The following MAPKAPK5 variants were observed in gnomAD, a reference collection of about 807,000 sequenced individuals.
The protein encoded by MAPKAPK5 is MAPK activated protein kinase 5.
A neutral mutation model predicts 65.1 loss-of-function variants in MAPKAPK5; 30 were observed. The observed-to-expected ratio is 0.46, with a 90% CI of 0.34 to 0.63. The LOEUF (loss-of-function observed/expected upper bound fraction) is 0.63, where lower values mean the gene tolerates loss of function less well. Ranked by LOEUF, MAPKAPK5 falls within the 20% of genes least tolerant of loss-of-function variation. The pLI is 0.01. For missense variants in MAPKAPK5, 433 were observed against 581.4 expected, an observed-to-expected ratio of 0.74 and a Z score of 2.63; for synonymous variants, 179 against 204.6, an observed-to-expected ratio of 0.87 and a Z score of 1.07.
intron 13 of MAPKAPK5, among the ~76,000 whole-genome samples, chr12:111,891,268 ATTT>A (rs762982308): frequency 7.5e-6 from 1 of 133,234 alleles, no homozygotes; most frequent in African/African-American, 2.7e-5. Flanking sequence ...TAATTTTTGT[ATTT>A]TTTTTTTTTT....
chr12:111,882,752 C>T (rs1206496910), intron 8 of MAPKAPK5: 3 of 960,500 alleles, frequency 3.1e-6, no homozygotes, highest in Non-Finnish European at 3.7e-6. Flanking sequence ...CCTTCATGGT[C>T]AAAGGAATGC....
chr12:111,852,802 C>A (rs183218266), intron 1 of MAPKAPK5, among the ~76,000 whole-genome samples: 1 of 151,928 alleles, frequency 6.6e-6, no homozygotes, highest in Non-Finnish European at 1.5e-5. Context: ...GAGACAGAGT[C>A]TCACTCTGTC....
rs1279435713 is a variant in MAPKAPK5, at chr12:111,894,106, G to A, written c.*1045G>A. The A allele has an allele frequency of 1.3e-5, 2 of 150,894 alleles. No individual in the cohort carries two copies. The highest frequency in any genetic ancestry group is 2.5e-5 in the African/African-American group (1 of 40,332). The allele number at this position is 150,894 out of a possible 1,614,324, so 9.3% of individuals were successfully genotyped here. A position where few individuals can be genotyped will look rare whatever the true frequency, so the allele number is the denominator to read the frequency against. On this transcript the variant is annotated 3_prime_UTR_variant, in exon 14 of 14. Coordinates refer to ENST00000550735, the MANE Select transcript of MAPKAPK5 (RefSeq NM_003668.4). ...CACCCAGGGTGGAGTGCAGTGGCAC[G>A]ATCTCGGCTCACTGCAACCTCTGTC...
At chr12:111,877,007 GTTTTAA>G (rs1593166821) in intron 7 of MAPKAPK5, among the ~76,000 whole-genome samples, 1 of 151,040 alleles carries the variant, frequency 6.6e-6, no homozygotes, top group Non-Finnish European at 1.5e-5. Flanking sequence ...TTTCATTGTG[GTTTTAA>G]TTTTAATTTT....
chr12:111,853,497 T>G (rs1474021332), intron 1 of MAPKAPK5, among the ~76,000 whole-genome samples: 1 of 152,202 alleles, frequency 6.6e-6, no homozygotes, highest in African/African-American at 2.4e-5. Context: ...ATTTGCATAC[T>G]AGTTCTTATA....
intron 10 of MAPKAPK5, among the ~76,000 whole-genome samples, chr12:111,887,367 AG>A (rs1593182519): frequency 6.6e-6 from 1 of 152,166 alleles, no homozygotes; most frequent in African/African-American, 2.4e-5. Flanking sequence ...AGGTTACTCA[AG>A]ATCTTAAAAA....
chr12:111,879,387 G>GC (rs2070110015), intron 7 of MAPKAPK5: 1 of 125,110 alleles, frequency 8.0e-6, no homozygotes, highest in Non-Finnish European at 1.7e-5. Flanking sequence ...TTTAGAGTAG[G>GC]TTTTTTTTTT....
At chr12:111,857,440 A>G (rs2069281074) in intron 1 of MAPKAPK5, among the ~76,000 whole-genome samples, 1 of 151,952 alleles carries the variant, frequency 6.6e-6, no homozygotes, top group Non-Finnish European at 1.5e-5. Flanking sequence ...TTTAGTAGAG[A>G]CGAGGTTTCG....
At chr12:111,859,987 T>C (rs796651315) in intron 1 of MAPKAPK5, among the ~76,000 whole-genome samples, 5 of 152,298 alleles carry the variant, frequency 3.3e-5, no homozygotes, top group African/African-American at 1.2e-4. Flanking sequence ...GGAGAATTGC[T>C]TAAACCTGGG....
At chr12:111,842,823 G>A in intron 1 of MAPKAPK5, 54 bp downstream of exon 1, 3 of 1,278,068 alleles carry the variant, frequency 2.3e-6, no homozygotes, top group Non-Finnish European at 3.0e-6. Context: ...GTTCTTCTCG[G>A]CTCTAGCCTC....
chr12:111,870,815 C>T (rs575368460), intron 6 of MAPKAPK5, among the ~76,000 whole-genome samples: 2 of 152,198 alleles, frequency 1.3e-5, no homozygotes, highest in East Asian at 3.9e-4. Context: ...GGTCCCTAGG[C>T]CAAGACCTTG....
chr12:111,849,949 CTT>C (rs58376384), intron 1 of MAPKAPK5, among the ~76,000 whole-genome samples: 9,865 of 151,920 alleles, frequency 0.065, 461 homozygotes, highest in East Asian at 0.23. Flanking sequence ...GTCTCCAGCT[CTT>C]GAGCTCAAGC....
intron 1 of MAPKAPK5, among the ~76,000 whole-genome samples, chr12:111,846,383 C>T (rs1005421793): frequency 6.6e-6 from 1 of 152,166 alleles, no homozygotes; most frequent in African/African-American, 2.4e-5. Context: ...ACTTTAAGAT[C>T]TCATCCTCCC....
chr12:111,892,969 C>A lies in MAPKAPK5; in HGVS notation c.1324C>A (p.Arg442Ser), dbSNP rs199636436. 1.9e-6 allele frequency: 3 copies of A among 1,565,934 alleles called. No homozygotes were observed. The South Asian group carries it at 3.6e-5, about 19-fold the overall frequency. ...DTLQSFSWNGRGFTDKVDRLK... is the reference protein window; with the variant it reads ...DTLQSFSWNGSGFTDKVDRLK... ...CCTTGTTCTTTTTTTGCTTTCAGGTCGTGGATTCACAGATAAAGTAGATCG... is the reference window on the plus strand; with the variant it reads ...CCTTGTTCTTTTTTTGCTTTCAGGTAGTGGATTCACAGATAAAGTAGATCG... Residue 442 changes from arginine to serine, a missense_variant and splice_region_variant, in exon 14 of 14, where the codon CGT becomes AGT. By Grantham distance (110) the Arg-to-Ser change is moderately radical (BLOSUM62 -1). Around this residue, in one of 3 missense-constraint regions of MAPKAPK5, gnomAD observed 169 missense variants for 215.6 expected, o/e 0.78. Coordinates refer to ENST00000550735, the MANE Select transcript of MAPKAPK5 (RefSeq NM_003668.4).
At chr12:111,866,849 G>A (rs1473126893) in intron 3 of MAPKAPK5, among the ~76,000 whole-genome samples, 1 of 152,164 alleles carries the variant, frequency 6.6e-6, no homozygotes, top group Non-Finnish European at 1.5e-5. Flanking sequence ...TGATCCATCC[G>A]CCTCGGCCTC....
chr12:111,876,697 C>T (rs1156323324), intron 7 of MAPKAPK5, among the ~76,000 whole-genome samples: 1 of 152,148 alleles, frequency 6.6e-6, no homozygotes, highest in Non-Finnish European at 1.5e-5. Context: ...TTAGACTGTA[C>T]AGGGAACTGG....
Position 111,901,216 on chromosome 12 carries a change from C to A in MAPKAPK5, c.*8155C>A, listed in dbSNP as rs899073408. 9 of 455,930 alleles carry A rather than the reference C, an allele frequency of 2.0e-5. 1 individual carries two copies. Among genetic ancestry groups the A allele is most frequent in the African/African-American group, 6.0e-5 (3 of 50,068 alleles). The allele number at this position is 455,930 out of a possible 1,614,324, so 28.2% of individuals were successfully genotyped here. Reference sequence around the variant, plus strand: ...GCACCAAACAAAGTCTGCCTGAATTCCGCCTGCACAGATAAAACCCCAGTG... The same window carrying A: ...GCACCAAACAAAGTCTGCCTGAATTACGCCTGCACAGATAAAACCCCAGTG... On this transcript the variant is annotated 3_prime_UTR_variant, in exon 14 of 14. Coordinates refer to ENST00000550735, the MANE Select transcript of MAPKAPK5 (RefSeq NM_003668.4).
At chr12:111,849,514 G>A (rs1332596796) in intron 1 of MAPKAPK5, among the ~76,000 whole-genome samples, 5 of 151,630 alleles carry the variant, frequency 3.3e-5, no homozygotes, top group East Asian at 3.9e-4. Context: ...TGCCTGCCTC[G>A]GCCTCCCAAA....
intron 12 of MAPKAPK5, 28 bp downstream of exon 12, chr12:111,889,028 CTG>C: frequency 6.4e-7 from 1 of 1,553,890 alleles, no homozygotes; most frequent in Non-Finnish European, 8.7e-7. Flanking sequence ...TACTAATCCT[CTG>C]TGTGTCTGTG....
Sources: gnomAD v4.1 joint callset for allele counts (sites outside exome capture counted in the v4.1 genomes callset) on GRCh38, gnomAD v4.1.1 for gene constraint, gnomAD v4.1.1 regional missense constraint, MANE v1.5 for transcripts, NCBI Gene and HGNC (gene_info 2026-07-23, HGNC 2026-07-21) for gene names.